SESN3: variants seen among roughly 807,000 people sequenced by gnomAD.
SESN3 encodes the protein sestrin-3.
Under a neutral mutation model 55.3 loss-of-function variants are expected in SESN3, and 21 were observed. The ratio of observed to expected loss-of-function variants is 0.38; its 90% CI spans 0.27 to 0.55. The LOEUF (loss-of-function observed/expected upper bound fraction) is 0.55, where lower values mean the gene tolerates loss of function less well. Ranked by LOEUF, SESN3 falls within the 20% of genes least tolerant of loss-of-function variation. The pLI is 0.76. For synonymous variants in SESN3, 181 were observed against 203.1 expected, an observed-to-expected ratio of 0.89 and a Z score of 0.93; for missense variants, 408 against 604.3, an observed-to-expected ratio of 0.68 and a Z score of 3.41.
intron 4 of SESN3, among the ~76,000 whole-genome samples, chr11:95,189,423 G>A (rs538174752): frequency 1.3e-5 from 2 of 151,890 alleles, no homozygotes; most frequent in South Asian, 2.1e-4. Flanking sequence ...CCCTCATTCC[G>A]TAGAAGGGAG....
intron 4 of SESN3, among the ~76,000 whole-genome samples, chr11:95,188,357 G>C (rs1339000738): frequency 6.6e-6 from 1 of 151,708 alleles, no homozygotes; most frequent in African/African-American, 2.4e-5. Flanking sequence ...AGAAGAATGA[G>C]ATGAGAATAT....
Position 95,197,507 on chromosome 11 carries a change from C to A in SESN3, c.79-3985G>T, listed in dbSNP as rs183026789. Among the ~76,000 whole-genome samples the A allele has an allele frequency of 5.3e-3, 795 of 150,402 alleles. 4 individuals are homozygous for A. Among genetic ancestry groups the A allele is most frequent in the Non-Finnish European group, 7.0e-3 (477 of 67,690 alleles). On this transcript the variant is annotated intron_variant, in intron 1 of 9. Transcript: ENST00000536441. ...TTGCCCAGGCTGCAGTGCAATGGCA[C>A]AATCTCAGCTCACTGCAACCTCTGC...
intron 1 of SESN3, among the ~76,000 whole-genome samples, chr11:95,229,098 G>C (rs1365121716): frequency 1.3e-5 from 2 of 152,060 alleles, no homozygotes; most frequent in Non-Finnish European, 2.9e-5. Flanking sequence ...CAATTAAAAA[G>C]CATAACTTGC....
intron 1 of SESN3, among the ~76,000 whole-genome samples, chr11:95,197,827 C>T (rs574741377): frequency 1.3e-5 from 2 of 152,252 alleles, no homozygotes; most frequent in South Asian, 4.1e-4. Context: ...AAATGAGCAA[C>T]CCATGCAACT....
chr11:95,184,594 T>C lies in SESN3; in HGVS notation c.763A>G (p.Ile255Val). 2 of 1,611,194 alleles carry C rather than the reference T, an allele frequency of 1.2e-6. No homozygotes were observed. The highest frequency in any genetic ancestry group is 8.5e-7 in the Non-Finnish European group (1 of 1,178,974). ...NASLSGSNFG[I>V]VDSLSELEAL... is the part of the protein sequence containing the mutation. ...TCTAGCTCACTTAGAGAATCCACAA[T>C]CTGGAAACAGATAAGATAATGTTGG... Residue 255 changes from isoleucine to valine, a missense_variant and splice_region_variant, in exon 6 of 10, where the codon ATT becomes GTT. Physicochemically the swap from Ile to Val is conservative, Grantham distance 29. Around this residue, in one of 4 missense-constraint regions of SESN3, gnomAD observed 119 missense variants for 139.9 expected, o/e 0.85. Coordinates refer to ENST00000536441, the MANE Select transcript of SESN3 (RefSeq NM_144665.4).
chr11:95,186,194 CTGTGTGTGTGTGTGTG>C (rs35466696), intron 4 of SESN3, among the ~76,000 whole-genome samples: 14 of 107,548 alleles, frequency 1.3e-4, no homozygotes, highest in South Asian at 3.4e-4. Flanking sequence ...CTATCTCTCA[CTGTGTGTGTGTGTGTG>C]TGTGTGTGTG....
rs556884822 is a variant in SESN3 at position 95,170,525 on chromosome 11, A to T, written c.*2730T>A. On this transcript the variant is annotated 3_prime_UTR_variant, in exon 10 of 10. Coordinates refer to ENST00000536441, the MANE Select transcript of SESN3 (RefSeq NM_144665.4). The stretch of plus-strand genomic sequence containing the variant: ...CACGTCATTATACCAATTGAACCAG[A>T]TATCTCTTTTAAAAATATCACATTT... 6.6e-6 allele frequency: 1 copy of T among 152,288 alleles called. No individual in the cohort carries two copies. Among genetic ancestry groups the T allele is most frequent in the East Asian group, 1.9e-4 (1 of 5,186 alleles). 9.4% of individuals were successfully genotyped at this position (152,288 alleles called of 1,614,324 possible).
At chr11:95,212,515 G>A (rs1470165247) in intron 1 of SESN3, among the ~76,000 whole-genome samples, 3 of 151,910 alleles carry the variant, frequency 2.0e-5, no homozygotes, top group Non-Finnish European at 4.4e-5. Flanking sequence ...TTAACACACA[G>A]TGCTCAGATT....
At chr11:95,216,843 C>A (rs1436090038) in intron 1 of SESN3, among the ~76,000 whole-genome samples, 1 of 151,674 alleles carries the variant, frequency 6.6e-6, no homozygotes, top group South Asian at 2.1e-4. Flanking sequence ...CATAGTGGCT[C>A]ACACCTGTAA....
intron 1 of SESN3, among the ~76,000 whole-genome samples, chr11:95,217,651 T>TAA (rs66946901): frequency 0.013 from 1,804 of 137,860 alleles, 25 homozygotes; most frequent in African/African-American, 0.04. Context: ...AGACTCCGTT[T>TAA]AAAAAAAAAA....
At chr11:95,227,290 C>T (rs1860964660) in intron 1 of SESN3, among the ~76,000 whole-genome samples, 1 of 151,856 alleles carries the variant, frequency 6.6e-6, no homozygotes, top group Non-Finnish European at 1.5e-5. Context: ...ACCACAACCT[C>T]CGCCTCCCAG....
intron 6 of SESN3, among the ~76,000 whole-genome samples, chr11:95,180,255 A>G (rs995960128): frequency 7.9e-5 from 12 of 152,344 alleles, no homozygotes; most frequent in African/African-American, 2.9e-4. Context: ...AAAATTTTTG[A>G]GAGACTTAAA....
Position 95,165,838 on chromosome 11 carries a change from C to T in SESN3, c.*7417G>A, listed in dbSNP as rs1859736681. On this transcript the variant is annotated 3_prime_UTR_variant, in exon 10 of 10. Transcript: ENST00000536441. ...GTCATTAAAGCACTAGAATATTACA[C>T]ATAAACTGATCCATTTAGGTCAGCT... 1 of 152,170 alleles carries T rather than the reference C, an allele frequency of 6.6e-6. No homozygotes were observed. Among genetic ancestry groups the T allele is most frequent in the Non-Finnish European group, 1.5e-5 (1 of 68,032 alleles). The allele number at this position is 152,170 out of a possible 1,614,324, so 9.4% of individuals were successfully genotyped here.
chr11:95,193,233 A>T (rs497751), intron 2 of SESN3, among the ~76,000 whole-genome samples: 58,193 of 151,902 alleles, frequency 0.38, 11,465 homozygotes, highest in East Asian at 0.58. Flanking sequence ...GGCAATGATC[A>T]GGTATTATTC....
rs1332008253 is a variant in SESN3, at chr11:95,170,088, C to T, written c.*3167G>A. Reference sequence around the variant, plus strand: ...TTCATACTGGGACTGAGACAATGTACTTAGTTCAAAAAGGGGAAGGAGGTA... The same window carrying T: ...TTCATACTGGGACTGAGACAATGTATTTAGTTCAAAAAGGGGAAGGAGGTA... On this transcript the variant is annotated 3_prime_UTR_variant, in exon 10 of 10. Transcript: ENST00000536441. 1 of 152,092 alleles carries T rather than the reference C, an allele frequency of 6.6e-6. No homozygotes were observed. Among genetic ancestry groups the T allele is most frequent in the Non-Finnish European group, 1.5e-5 (1 of 68,000 alleles). 9.4% of individuals were successfully genotyped at this position (152,092 alleles called of 1,614,324 possible).
At chr11:95,209,229 AAAC>A (rs1279200853) in intron 1 of SESN3, among the ~76,000 whole-genome samples, 13 of 151,572 alleles carry the variant, frequency 8.6e-5, no homozygotes, top group African/African-American at 3.1e-4. Context: ...TACAAGAAAA[AAAC>A]AACCTCAACA....
intron 7 of SESN3, 78 bp downstream of exon 7, chr11:95,178,632 C>G: frequency 1.1e-6 from 1 of 893,974 alleles, no homozygotes. Context: ...TTGTTTAGTG[C>G]CAATTTTTAA....
chr11:95,178,177 T>A (rs1859993804), intron 7 of SESN3, among the ~76,000 whole-genome samples: 1 of 152,170 alleles, frequency 6.6e-6, no homozygotes, highest in Admixed American at 6.5e-5. Context: ...ACTATCCTTT[T>A]ATCTGGAAGG....
intron 4 of SESN3, among the ~76,000 whole-genome samples, chr11:95,186,511 T>C (rs1041533811): frequency 6.6e-6 from 1 of 151,854 alleles, no homozygotes; most frequent in Non-Finnish European, 1.5e-5. Flanking sequence ...AACAAAATTA[T>C]AGCTAGATAG....
Sources: allele counts gnomAD v4.1 joint callset (sites outside exome capture counted in the v4.1 genomes callset), GRCh38; gene constraint gnomAD v4.1.1; regional missense constraint gnomAD v4.1.1; transcripts MANE v1.5; gene names NCBI Gene and HGNC (gene_info 2026-07-23, HGNC 2026-07-21).